PIGL: variants seen among roughly 807,000 people sequenced by gnomAD.
PIGL encodes N-acetylglucosaminyl-phosphatidylinositol de-N-acetylase.
In PIGL, 22 loss-of-function variants were observed where a neutral mutation model predicts 31.1. The observed-to-expected ratio is 0.71, with a 90% CI of 0.51 to 1.01. PIGL has a LOEUF of 1.01. Among genes scored for constraint, PIGL ranks in the 50% least tolerant of loss-of-function variants. The probability of loss-of-function intolerance (pLI) is 0.00; values close to 1 mark genes in which losing one functional copy is unlikely to be tolerated. For missense variants in PIGL, 302 were observed against 315.9 expected (o/e 0.96, Z 0.33); for synonymous variants, 131 against 117.4 (o/e 1.12, Z -0.75).
intron 6 of PIGL, among the ~76,000 whole-genome samples, chr17:16,321,304 G>A (rs1247260250): frequency 3.4e-5 from 5 of 147,472 alleles, no homozygotes; most frequent in Admixed American, 6.8e-5. Flanking sequence ...GCAACGGTGC[G>A]ATCTCAGATC....
At chr17:16,286,194 C>G (rs1200184793) in intron 2 of PIGL, among the ~76,000 whole-genome samples, 1 of 152,284 alleles carries the variant, frequency 6.6e-6, no homozygotes, top group African/African-American at 2.4e-5. Flanking sequence ...TGTGAGCCGC[C>G]TCCGTCTGTA....
intron 1 of PIGL, among the ~76,000 whole-genome samples, chr17:16,226,188 T>C (rs978416798): frequency 3.3e-5 from 5 of 151,808 alleles, no homozygotes; most frequent in Non-Finnish European, 5.9e-5. Flanking sequence ...ACCAATCACC[T>C]TTTTTTTCAT....
chr17:16,256,691 T>TTGTG (rs1318444048), intron 2 of PIGL, among the ~76,000 whole-genome samples: 17 of 105,838 alleles, frequency 1.6e-4, no homozygotes, highest in African/African-American at 3.9e-4. Flanking sequence ...GTTTTGTTTT[T>TTGTG]TGTGTGTTTG....
intron 4 of PIGL, 73 bp from the exon 5 acceptor site, chr17:16,316,608 C>T: frequency 6.8e-7 from 1 of 1,470,830 alleles, no homozygotes; most frequent in Non-Finnish European, 9.3e-7. Context: ...AGCCTTTCCT[C>T]TGAAGGCCCC....
intron 1 of PIGL, among the ~76,000 whole-genome samples, chr17:16,218,842 C>A (rs2092611915): frequency 6.6e-6 from 1 of 151,752 alleles, no homozygotes; most frequent in Non-Finnish European, 1.5e-5. Context: ...CCACACCTGG[C>A]TAATTTTTGT....
intron 2 of PIGL, among the ~76,000 whole-genome samples, chr17:16,258,563 G>A (rs1197447829): frequency 1.3e-5 from 2 of 151,790 alleles, no homozygotes; most frequent in Non-Finnish European, 2.9e-5. Flanking sequence ...GAGTGCAATG[G>A]TGCAATCTCA....
chr17:16,316,616 C>T, intron 4 of PIGL, 65 bp from the exon 5 acceptor site: 1 of 1,501,814 alleles, frequency 6.7e-7, no homozygotes, highest in Non-Finnish European at 9.1e-7. Flanking sequence ...CTCTGAAGGC[C>T]CCTCCTGTTA....
intron 2 of PIGL, among the ~76,000 whole-genome samples, chr17:16,244,723 A>G (rs547828328): frequency 1.3e-5 from 2 of 152,232 alleles, no homozygotes; most frequent in South Asian, 2.1e-4. Context: ...CACCCAGGTT[A>G]GAGTGCAGTG....
rs765047895 is a variant in PIGL at position 16,290,382 on chromosome 17, C to T, written c.336-9506C>T. 2.0e-5 allele frequency among the ~76,000 whole-genome samples: 3 copies of T among 151,432 alleles called. No individual in the cohort carries two copies. In the East Asian group the frequency reaches 5.9e-4, roughly 30 times the overall value. On this transcript the variant is annotated intron_variant, in intron 2 of 6. Transcript: ENST00000225609. ...CCTCCCCTCCCCTCATCTCCCCTTC[C>T]TCCACTCCTCTTCCCTTCTCTCTCT...
chr17:16,287,747 C>G (rs1032294035), intron 2 of PIGL, among the ~76,000 whole-genome samples: 1 of 152,168 alleles, frequency 6.6e-6, no homozygotes, highest in Non-Finnish European at 1.5e-5. Context: ...TGCTCTTACT[C>G]TGAACATGCC....
At chr17:16,271,061 T>C (rs2092870010) in intron 2 of PIGL, among the ~76,000 whole-genome samples, 1 of 152,204 alleles carries the variant, frequency 6.6e-6, no homozygotes, top group African/African-American at 2.4e-5. Flanking sequence ...AATGTATGTA[T>C]TTCTTTATTG....
At chr17:16,315,140 A>G (rs112819452) in intron 4 of PIGL, among the ~76,000 whole-genome samples, 1 of 152,176 alleles carries the variant, frequency 6.6e-6, no homozygotes, top group Non-Finnish European at 1.5e-5. Flanking sequence ...CCAAGGGGAC[A>G]ACTCTGTGTA....
chr17:16,246,423 A>T, intron 2 of PIGL, among the ~76,000 whole-genome samples: 1 of 151,242 alleles, frequency 6.6e-6, no homozygotes, highest in African/African-American at 2.4e-5. Flanking sequence ...GACGCAGGAG[A>T]ATCGCTTGAA....
chr17:16,219,173 TC>T (rs1185435129), intron 1 of PIGL, among the ~76,000 whole-genome samples: 2 of 151,422 alleles, frequency 1.3e-5, no homozygotes, highest in Admixed American at 6.6e-5. Flanking sequence ...TTCACGCCCT[TC>T]TTTCTGGGAC....
At chr17:16,265,473 T>G (rs2092838252) in intron 2 of PIGL, among the ~76,000 whole-genome samples, 1 of 152,058 alleles carries the variant, frequency 6.6e-6, no homozygotes, top group African/African-American at 2.4e-5. Flanking sequence ...CCAGGCGCGG[T>G]GGCTCATGCC....
At chr17:16,269,618 C>T (rs1421203687) in intron 2 of PIGL, among the ~76,000 whole-genome samples, 4 of 149,764 alleles carry the variant, frequency 2.7e-5, no homozygotes, top group African/African-American at 4.9e-5. Context: ...CCACTGCACT[C>T]CAGCCTGGTA....
At chr17:16,311,486 A>ATTTTTTTTTTTTTTTTTTTT (rs1568840853) in intron 3 of PIGL, among the ~76,000 whole-genome samples, 4 of 10,336 alleles carry the variant, frequency 3.9e-4, no homozygotes, top group Non-Finnish European at 5.8e-4. Flanking sequence ...TTTTTTGATC[A>ATTTTTTTTTTTTTTTTTTTT]TTCTTGGGTG....
chr17:16,309,165 T>G (rs1316007403), intron 3 of PIGL, among the ~76,000 whole-genome samples: 1 of 151,950 alleles, frequency 6.6e-6, no homozygotes, highest in East Asian at 1.9e-4. Context: ...GCTGTAAAAG[T>G]AGTGTCTTCC....
intron 2 of PIGL, among the ~76,000 whole-genome samples, chr17:16,242,774 A>G (rs1309830863): frequency 6.8e-6 from 1 of 146,392 alleles, no homozygotes; most frequent in East Asian, 2.0e-4. Context: ...ACACCACCAT[A>G]CCCGGCTAAT....
Sources: allele counts gnomAD v4.1 joint callset (sites outside exome capture counted in the v4.1 genomes callset), GRCh38; gene constraint gnomAD v4.1.1; transcripts MANE v1.5; gene names NCBI Gene and HGNC (gene_info 2026-07-23, HGNC 2026-07-21).